The following TRERF1 variants were observed in gnomAD, a reference collection of about 807,000 sequenced individuals.
TRERF1 encodes transcriptional-regulating factor 1.
A neutral mutation model predicts 122.9 loss-of-function variants in TRERF1; 27 were observed. The ratio of observed to expected loss-of-function variants is 0.22; its 90% CI spans 0.16 to 0.30. The LOEUF (loss-of-function observed/expected upper bound fraction) is 0.30, where lower values mean the gene tolerates loss of function less well. TRERF1 is among the 10% of genes least tolerant of loss of function. The pLI is 1.00. For missense variants in TRERF1, 1,248 were observed against 1,560.3 expected (o/e 0.80, Z 3.37); for synonymous variants, 636 against 641.7 (o/e 0.99, Z 0.13).
intron 3 of TRERF1, among the ~76,000 whole-genome samples, chr6:42,339,903 G>C (rs1259251227): frequency 6.6e-6 from 1 of 152,200 alleles, no homozygotes; most frequent in Admixed American, 6.5e-5. Context: ...TGCTGAATAA[G>C]ATTTCTATCT....
At chr6:42,320,789 C>T (rs187195908) in intron 3 of TRERF1, among the ~76,000 whole-genome samples, 4 of 152,258 alleles carry the variant, frequency 2.6e-5, no homozygotes, top group Admixed American at 6.5e-5. Context: ...GAATTACATG[C>T]GTAAGCCACC....
At chr6:42,234,746 CT>C (rs1213698243) in intron 16 of TRERF1, among the ~76,000 whole-genome samples, 1 of 152,204 alleles carries the variant, frequency 6.6e-6, no homozygotes, top group Non-Finnish European at 1.5e-5. Context: ...GCTTTTTCCA[CT>C]GTGATTTTTA....
At chr6:42,257,887 G>T (rs1215023823) in intron 10 of TRERF1, among the ~76,000 whole-genome samples, 1 of 152,260 alleles carries the variant, frequency 6.6e-6, no homozygotes, top group Non-Finnish European at 1.5e-5. Context: ...TGCCTGTGGA[G>T]CCAGACGCAG....
chr6:42,372,613 T>C (rs574297544), intron 2 of TRERF1, among the ~76,000 whole-genome samples: 16 of 152,228 alleles, frequency 1.1e-4, no homozygotes, highest in Non-Finnish European at 1.8e-4. Context: ...TGGATTCTCA[T>C]TGGAGACTTT....
chr6:42,297,447 G>A (rs1785303913), intron 4 of TRERF1, among the ~76,000 whole-genome samples: 1 of 152,190 alleles, frequency 6.6e-6, no homozygotes, highest in African/African-American at 2.4e-5. Flanking sequence ...CAGCAGCACA[G>A]GGTTAAGAGC....
At chr6:42,359,317 C>A (rs1581774401) in intron 3 of TRERF1, among the ~76,000 whole-genome samples, 1 of 152,206 alleles carries the variant, frequency 6.6e-6, no homozygotes, top group African/African-American at 2.4e-5. Flanking sequence ...CTCACTCAAT[C>A]CCAGTGATCC....
intron 2 of TRERF1, among the ~76,000 whole-genome samples, chr6:42,383,295 C>G (rs1020630921): frequency 2.6e-5 from 4 of 152,150 alleles, no homozygotes; most frequent in African/African-American, 9.7e-5. Flanking sequence ...CTGTTTACAT[C>G]CAAATGTATC....
intron 5 of TRERF1, among the ~76,000 whole-genome samples, chr6:42,266,491 G>A (rs1779220959): frequency 1.3e-5 from 2 of 152,080 alleles, no homozygotes; most frequent in Admixed American, 1.3e-4. Context: ...ATCTGGCCCT[G>A]GAATTCTTCT....
intron 3 of TRERF1, among the ~76,000 whole-genome samples, chr6:42,323,676 A>G (rs1763822142): frequency 6.6e-6 from 1 of 152,222 alleles, no homozygotes; most frequent in Non-Finnish European, 1.5e-5. Flanking sequence ...ACCCAGTGAA[A>G]AAGTGCAATA....
intron 3 of TRERF1, among the ~76,000 whole-genome samples, chr6:42,337,023 G>A (rs1457667364): frequency 6.6e-6 from 1 of 152,174 alleles, no homozygotes; most frequent in Non-Finnish European, 1.5e-5. Context: ...GCAGAAGAGT[G>A]GGCATTTGGA....
chr6:42,282,477 G>T lies in TRERF1; in HGVS notation c.-258-12629C>A, dbSNP rs903198748. On this transcript the variant is annotated intron_variant, in intron 4 of 17. Coordinates refer to ENST00000372922, the Ensembl canonical transcript of TRERF1. ...GTGGGAGCATCAATTGAGCCCAGAA[G>T]GTTAAGGCTGCAGTGAGCCATGATG... Among the ~76,000 whole-genome samples the T allele has an allele frequency of 2.0e-5, 3 of 152,186 alleles. No individual in the cohort carries two copies. In the South Asian group the frequency reaches 6.2e-4, roughly 32 times the overall value.
At chr6:42,317,937 T>C (rs1474900292) in intron 3 of TRERF1, among the ~76,000 whole-genome samples, 1 of 152,072 alleles carries the variant, frequency 6.6e-6, no homozygotes, top group African/African-American at 2.4e-5. Flanking sequence ...GCGGATCACC[T>C]GAGGTTAGGA....
chr6:42,269,061 G>C lies in TRERF1; in HGVS notation c.530C>G (p.Pro177Arg). The C allele has an allele frequency of 6.2e-7, 1 of 1,614,234 alleles. No homozygotes were observed. Among genetic ancestry groups the C allele is most frequent in the Non-Finnish European group, 8.5e-7 (1 of 1,180,046 alleles). The stretch of plus-strand genomic sequence containing the variant: ...CAGCAGCTGGCGGAGAGCACTGTCA[G>C]GGGCTCCATCCATCACTGCTGACTG... The change falls in exon 5 of 18, where the codon CCT (proline) becomes CGT (arginine). Residue 177 changes from proline (P) to arginine (R), a missense_variant. Around this residue, in one of 5 missense-constraint regions of TRERF1, gnomAD observed 946 missense variants for 1,073.0 expected, o/e 0.88. Coordinates refer to ENST00000372922, the Ensembl canonical transcript of TRERF1. This position sits in a 1 kb window ranked among gnomAD's most constrained non-coding sequence, Gnocchi z 4.9.
chr6:42,271,010 G>A (rs1399589347), intron 4 of TRERF1, among the ~76,000 whole-genome samples: 7 of 151,316 alleles, frequency 4.6e-5, no homozygotes, highest in Admixed American at 4.0e-4. Context: ...CTCATGATCC[G>A]CCTGTCTCTA....
chr6:42,284,384 T>G (rs982632158), intron 4 of TRERF1, among the ~76,000 whole-genome samples: 1 of 152,230 alleles, frequency 6.6e-6, no homozygotes, highest in Admixed American at 6.5e-5. Flanking sequence ...TTAATAGTTG[T>G]CTTGCTCACA....
intron 2 of TRERF1, among the ~76,000 whole-genome samples, chr6:42,371,003 C>T (rs992129756): frequency 6.6e-6 from 1 of 152,148 alleles, no homozygotes; most frequent in Non-Finnish European, 1.5e-5. Flanking sequence ...TCCAAGTAAC[C>T]CTCAGGCCCA....
intron 2 of TRERF1, among the ~76,000 whole-genome samples, chr6:42,406,379 T>C (rs1780179647): frequency 6.6e-6 from 1 of 152,000 alleles, no homozygotes; most frequent in Non-Finnish European, 1.5e-5. Context: ...CTCTGGCCAG[T>C]GCCGATGACT....
intron 8 of TRERF1, among the ~76,000 whole-genome samples, chr6:42,262,187 C>T (rs1390189484): frequency 6.6e-6 from 1 of 152,040 alleles, no homozygotes; most frequent in Non-Finnish European, 1.5e-5. Flanking sequence ...TGAGAATCTT[C>T]CCCCCAGTTC....
intron 3 of TRERF1, among the ~76,000 whole-genome samples, chr6:42,318,097 T>C (rs796381928): frequency 5.8e-4 from 88 of 150,846 alleles, no homozygotes; most frequent in African/African-American, 2.1e-3. Context: ...GAGGTTGTAG[T>C]AAGCCGAGAT....
Sources: allele counts gnomAD v4.1 joint callset (sites outside exome capture counted in the v4.1 genomes callset), GRCh38; gene constraint gnomAD v4.1.1; regional missense constraint gnomAD v4.1.1; non-coding constraint Gnocchi (gnomAD v3.1); transcripts MANE v1.5; gene names NCBI Gene and HGNC (gene_info 2026-07-23, HGNC 2026-07-21).